TENM2: variants seen among roughly 807,000 people sequenced by gnomAD.
TENM2 encodes teneurin-2.
Under a neutral mutation model 245.2 loss-of-function variants are expected in TENM2, and 52 were observed. The ratio of observed to expected loss-of-function variants is 0.21; its 90% CI spans 0.17 to 0.27. The LOEUF (loss-of-function observed/expected upper bound fraction) is 0.27, where lower values mean the gene tolerates loss of function less well. TENM2 is among the 10% of genes least tolerant of loss of function. The probability of loss-of-function intolerance (pLI) is 1.00; values close to 1 mark genes in which losing one functional copy is unlikely to be tolerated. For missense variants in TENM2, 3,046 were observed against 3,666.8 expected (o/e 0.83, Z 4.37); for synonymous variants, 1,363 against 1,438.9 (o/e 0.95, Z 1.19).
intron 2 of TENM2, among the ~76,000 whole-genome samples, chr5:167,526,080 G>A (rs1771088102): frequency 6.6e-6 from 1 of 151,798 alleles, no homozygotes; most frequent in African/African-American, 2.4e-5. Context: ...AGAAAGACCT[G>A]CCTAACAAAG....
chr5:167,149,616 T>C, the TENM2 span, among the ~76,000 whole-genome samples: 1 of 152,106 alleles, frequency 6.6e-6, no homozygotes, highest in African/African-American at 2.4e-5. Flanking sequence ...CTCCGTGCCA[T>C]ATTTGTCAGG....
chr5:167,250,927 T>C, the TENM2 span, among the ~76,000 whole-genome samples: 4 of 152,130 alleles, frequency 2.6e-5, no homozygotes, highest in Admixed American at 2.0e-4. Flanking sequence ...AGAAGTTATA[T>C]TGATTGGATG....
intron 1 of TENM2, among the ~76,000 whole-genome samples, chr5:167,324,388 G>A (rs1756957549): frequency 6.6e-6 from 1 of 152,116 alleles, no homozygotes; most frequent in African/African-American, 2.4e-5. Flanking sequence ...GCAACATGTA[G>A]TTCTTCATTG....
At chr5:167,883,660 A>G (rs1054374259) in intron 3 of TENM2, among the ~76,000 whole-genome samples, 2 of 152,216 alleles carry the variant, frequency 1.3e-5, no homozygotes, top group African/African-American at 4.8e-5. Flanking sequence ...TTCTTGGTAC[A>G]TATAAAAAGA....
intron 2 of TENM2, among the ~76,000 whole-genome samples, chr5:167,854,352 A>C (rs1000397378): frequency 2.0e-5 from 3 of 152,216 alleles, no homozygotes; most frequent in African/African-American, 7.2e-5. Context: ...AGGGGGAAAA[A>C]AAGGCTTATT....
chr5:167,063,510 A>AC, the TENM2 span, among the ~76,000 whole-genome samples: 4 of 152,208 alleles, frequency 2.6e-5, no homozygotes, highest in South Asian at 8.3e-4. Flanking sequence ...ATCATTAAAC[A>AC]GTTTTATGTC....
At chr5:167,825,599 T>C (rs1045840751) in intron 2 of TENM2, among the ~76,000 whole-genome samples, 5 of 152,148 alleles carry the variant, frequency 3.3e-5, no homozygotes, top group African/African-American at 1.2e-4. Context: ...GCATAGGCAG[T>C]GTCAGTCTGT....
In TENM2 at chr5:167,343,007, C is replaced by T. The variant is rs1758220297; in HGVS notation, c.227-32191C>T. ...GCGTTCTTCTCCTCCATTTATTTAC[C>T]TATTTAATTATTTATTTATGTCAGT... On this transcript the variant is annotated intron_variant, in intron 1 of 28. Coordinates refer to ENST00000518659, the Ensembl canonical transcript of TENM2. Among the ~76,000 whole-genome samples, 4 of 151,796 alleles carry T rather than the reference C, an allele frequency of 2.6e-5. No individual in the cohort carries two copies. In the South Asian group the frequency reaches 6.2e-4, roughly 24 times the overall value.
chr5:167,075,628 A>G, the TENM2 span, among the ~76,000 whole-genome samples: 81 of 152,260 alleles, frequency 5.3e-4, no homozygotes, highest in African/African-American at 1.8e-3. Flanking sequence ...CATTCATTCA[A>G]TTCTTTCATA....
the TENM2 span, among the ~76,000 whole-genome samples, chr5:167,228,138 C>A: frequency 1.3e-5 from 2 of 152,106 alleles, no homozygotes; most frequent in Admixed American, 1.3e-4. Flanking sequence ...AAGTGATTCT[C>A]ATGCCTCAGC....
intron 2 of TENM2, among the ~76,000 whole-genome samples, chr5:167,439,208 G>A (rs1014576747): frequency 2.0e-5 from 3 of 152,184 alleles, no homozygotes; most frequent in African/African-American, 7.2e-5. Flanking sequence ...ATATCTTGAT[G>A]AAATAATGTA....
At chr5:167,815,543 T>G (rs2151012329) in intron 2 of TENM2, among the ~76,000 whole-genome samples, 1 of 152,270 alleles carries the variant, frequency 6.6e-6, no homozygotes, top group African/African-American at 2.4e-5. Flanking sequence ...TCTTCACAAG[T>G]TACAATAAGA....
chr5:168,112,283 G>T (rs1325641305), intron 9 of TENM2, among the ~76,000 whole-genome samples: 1 of 151,986 alleles, frequency 6.6e-6, no homozygotes, highest in South Asian at 2.1e-4. Flanking sequence ...AGGTAAACTT[G>T]TGTCATGGGG....
chr5:167,561,166 G>A (rs1183083830), intron 2 of TENM2, among the ~76,000 whole-genome samples: 4 of 152,130 alleles, frequency 2.6e-5, no homozygotes, highest in African/African-American at 7.2e-5. Context: ...TCTACTATGA[G>A]GCAAATCATT....
chr5:167,921,639 C>T (rs565908539), intron 3 of TENM2, among the ~76,000 whole-genome samples: 2 of 152,232 alleles, frequency 1.3e-5, no homozygotes, highest in East Asian at 3.9e-4. Flanking sequence ...ATGAGAAAAA[C>T]AAACTATGAT....
chr5:167,328,097 T>C (rs538240236), intron 1 of TENM2, among the ~76,000 whole-genome samples: 1 of 150,846 alleles, frequency 6.6e-6, no homozygotes, highest in East Asian at 2.0e-4. Context: ...CTTGGAGTTA[T>C]CCTTAATTTA....
chr5:167,992,753 C>G (rs952660548), intron 4 of TENM2, among the ~76,000 whole-genome samples, 191 bp from the exon 7 acceptor site: 20 of 152,114 alleles, frequency 1.3e-4, no homozygotes, highest in Middle Eastern at 3.2e-3. Flanking sequence ...GTGAAAGGAG[C>G]AAATTATGCA....
chr5:167,468,210 T>C (rs1353459013), intron 2 of TENM2, among the ~76,000 whole-genome samples: 2 of 152,226 alleles, frequency 1.3e-5, no homozygotes, highest in East Asian at 3.9e-4. Flanking sequence ...GTTCTGGGAT[T>C]ACAGGCGTGA....
At position 167,694,722 on chromosome 5, in the gene TENM2, G is replaced by A. The variant is rs534878717; in HGVS notation, c.503-181264G>A. 1.3e-5 allele frequency among the ~76,000 whole-genome samples: 2 copies of A among 152,186 alleles called. 1 individual carries two copies. The highest frequency in any genetic ancestry group is 4.2e-4 in the South Asian group (2 of 4,812). On this transcript the variant is annotated intron_variant, in intron 2 of 28. Coordinates refer to ENST00000518659, the Ensembl canonical transcript of TENM2. ...GCCCCAGCTCTTAATCTCTTGGTGT[G>A]CATGAATAGTTCTCATTAGTTGTGG...
Sources: allele counts gnomAD v4.1 joint callset (sites outside exome capture counted in the v4.1 genomes callset), GRCh38; gene constraint gnomAD v4.1.1; transcripts MANE v1.5; gene names NCBI Gene and HGNC (gene_info 2026-07-23, HGNC 2026-07-21).